The following RASSF8 variants were observed in gnomAD, a reference collection of about 807,000 sequenced individuals.
RASSF8 encodes the protein ras association domain-containing protein 8.
A neutral mutation model predicts 48.5 loss-of-function variants in RASSF8; 22 were observed. That is an observed-to-expected ratio of 0.45 (90% confidence interval 0.32 to 0.65). The LOEUF (loss-of-function observed/expected upper bound fraction) is 0.65, where lower values mean the gene tolerates loss of function less well. Ranked by LOEUF, RASSF8 falls within the 30% of genes least tolerant of loss-of-function variation. The pLI, the probability that RASSF8 is intolerant of heterozygous loss-of-function variation, is 0.03. For synonymous variants in RASSF8, 127 were observed against 171.5 expected (o/e 0.74, Z 2.03); for missense variants, 418 against 489.2 (o/e 0.85, Z 1.37).
At chr12:26,066,306 T>G (rs1209660241) in intron 4 of RASSF8, among the ~76,000 whole-genome samples, 1 of 152,080 alleles carries the variant, frequency 6.6e-6, no homozygotes, top group Non-Finnish European at 1.5e-5. Flanking sequence ...TTGTAAGAAA[T>G]TCAGAATCTA....
intron 1 of RASSF8, among the ~76,000 whole-genome samples, chr12:25,979,717 T>C (rs1167537): frequency 0.9 from 136,529 of 152,250 alleles, 61,357 homozygotes; most frequent in East Asian, 0.99. Context: ...AGCTCCACCA[T>C]TATTGGTTTT....
At chr12:26,075,363 A>G (rs139541348), downstream of RASSF8, among the ~76,000 whole-genome samples, 16 of 152,322 alleles carry the variant, frequency 1.1e-4, no homozygotes, top group Admixed American at 9.8e-4. Flanking sequence ...TAGAATATGT[A>G]TTCAAGAGGT....
chr12:25,973,614 A>G (rs1403039274), intron 1 of RASSF8: 1 of 152,204 alleles, frequency 6.6e-6, no homozygotes, highest in African/African-American at 2.4e-5. Flanking sequence ...GTCTCCCTCA[A>G]GTCCATATGT....
chr12:25,979,148 A>G (rs1476291726), intron 1 of RASSF8, among the ~76,000 whole-genome samples: 4 of 152,214 alleles, frequency 2.6e-5, no homozygotes, highest in Admixed American at 6.5e-5. Context: ...CTTATTCGAC[A>G]TGATGAGTCC....
chr12:26,024,235 A>G (rs1177785107), intron 2 of RASSF8, among the ~76,000 whole-genome samples: 1 of 152,100 alleles, frequency 6.6e-6, no homozygotes, highest in East Asian at 1.9e-4. Context: ...TCCTGGCCTC[A>G]AGCAATCTTC....
At chr12:26,008,758 G>T (rs1026139467) in intron 2 of RASSF8, among the ~76,000 whole-genome samples, 2 of 152,172 alleles carry the variant, frequency 1.3e-5, no homozygotes, top group Non-Finnish European at 2.9e-5. Context: ...GCAAGCATCT[G>T]CATAGAATCT....
At chr12:26,038,178 C>T (rs1027835183) in intron 2 of RASSF8, among the ~76,000 whole-genome samples, 2 of 152,160 alleles carry the variant, frequency 1.3e-5, no homozygotes, top group Non-Finnish European at 2.9e-5. Context: ...TCAGACCCTA[C>T]TGTTTTGTAC....
downstream of RASSF8, among the ~76,000 whole-genome samples, chr12:26,074,262 C>T (rs999375228): frequency 3.9e-5 from 6 of 152,092 alleles, no homozygotes; most frequent in Non-Finnish European, 8.8e-5. Flanking sequence ...ATGCTGGATG[C>T]GTTTATACTT....
chr12:26,076,343 G>A (rs1249169199), downstream of RASSF8, among the ~76,000 whole-genome samples: 1 of 151,788 alleles, frequency 6.6e-6, no homozygotes, highest in Non-Finnish European at 1.5e-5. Flanking sequence ...GTATACATGT[G>A]CCCTGTTAGT....
rs1454829970 is a variant in RASSF8 at position 26,062,197 on chromosome 12, G to A, written c.104-2301G>A. On this transcript the variant is annotated intron_variant, in intron 3 of 5. Coordinates refer to ENST00000689635, the MANE Select transcript of RASSF8 (RefSeq NM_001394098.1). ...GTAAGATTCCTAAAAGCAGTTGATA[G>A]GCATAGTGCTATGACCTTTGAAGCA... Among the ~76,000 whole-genome samples, 3 of 152,158 alleles carry A rather than the reference G, an allele frequency of 2.0e-5. No individual in the cohort carries two copies. The East Asian group carries it at 5.8e-4, about 29-fold the overall frequency.
rs1441201966 is a variant in RASSF8 at position 25,995,091 on chromosome 12, T to G, written c.-148T>G. On this transcript the variant is annotated 5_prime_UTR_variant, in exon 2 of 6. Coordinates refer to ENST00000689635, the MANE Select transcript of RASSF8 (RefSeq NM_001394098.1). ...GTGTGGTGCTGTCCTTCCTCAAGAC[T>G]ACCTCATTCTCACTGGCTCGGAGAC... 1 of 152,324 alleles carries G rather than the reference T, an allele frequency of 6.6e-6. No individual in the cohort carries two copies. The highest frequency in any genetic ancestry group is 2.4e-5 in the African/African-American group (1 of 41,432). 9.4% of individuals were successfully genotyped at this position (152,324 alleles called of 1,614,324 possible).
downstream of RASSF8, among the ~76,000 whole-genome samples, chr12:26,075,065 G>C (rs1156639768): frequency 6.6e-6 from 1 of 152,234 alleles, no homozygotes; most frequent in Non-Finnish European, 1.5e-5. Flanking sequence ...TAGGAGTCCA[G>C]GCCAGAGGTG....
intron 3 of RASSF8, among the ~76,000 whole-genome samples, chr12:26,056,572 C>T (rs1269432753): frequency 1.3e-5 from 2 of 152,196 alleles, no homozygotes; most frequent in Non-Finnish European, 2.9e-5. Context: ...CATACTGTTG[C>T]CAAGGCACTT....
chr12:26,068,168 T>A (rs188441601), intron 5 of RASSF8, among the ~76,000 whole-genome samples: 17 of 152,218 alleles, frequency 1.1e-4, no homozygotes, highest in African/African-American at 2.9e-4. Flanking sequence ...ATTCTTTTTT[T>A]AAAAAAATAT....
At chr12:26,061,903 CAA>C (rs1328435233) in intron 3 of RASSF8, among the ~76,000 whole-genome samples, 1 of 152,040 alleles carries the variant, frequency 6.6e-6, no homozygotes, top group Non-Finnish European at 1.5e-5. Context: ...CATTATTTAA[CAA>C]AAGCCAATAC....
At chr12:25,998,591 C>T (rs1393643550) in intron 2 of RASSF8, among the ~76,000 whole-genome samples, 2 of 152,154 alleles carry the variant, frequency 1.3e-5, no homozygotes, top group Non-Finnish European at 1.5e-5. Flanking sequence ...TCATGTTCCG[C>T]CCACCTCAGC....
intron 2 of RASSF8, among the ~76,000 whole-genome samples, chr12:26,027,297 A>G (rs1439469919): frequency 6.6e-6 from 1 of 152,214 alleles, no homozygotes. Flanking sequence ...GAATATATTT[A>G]AACTATCAAG....
intron 2 of RASSF8, among the ~76,000 whole-genome samples, chr12:26,037,575 A>G (rs1943179462): frequency 6.6e-6 from 1 of 152,178 alleles, no homozygotes; most frequent in South Asian, 2.1e-4. Flanking sequence ...TTTAGTTAAT[A>G]ATATTTTTGT....
rs181964333 is a variant in RASSF8, at chr12:25,976,248, C to T, written c.-203+17100C>T. 3.3e-4 allele frequency among the ~76,000 whole-genome samples: 50 copies of T among 152,270 alleles called. No individual in the cohort carries two copies. The East Asian group carries it at 9.5e-3, about 29-fold the overall frequency. ...CCCTCCGCTTAAGGAACAAGAGGAC[C>T]AGAGGCTACTCCATTTGACCTTTTC... On this transcript the variant is annotated intron_variant, in intron 1 of 5. Coordinates refer to ENST00000689635, the MANE Select transcript of RASSF8 (RefSeq NM_001394098.1).
Sources: gnomAD v4.1 joint callset for allele counts (sites outside exome capture counted in the v4.1 genomes callset) on GRCh38, gnomAD v4.1.1 for gene constraint, MANE v1.5 for transcripts, NCBI Gene and HGNC (gene_info 2026-07-23, HGNC 2026-07-21) for gene names.